RBFOX3: variants seen among roughly 807,000 people sequenced by gnomAD.
The protein encoded by RBFOX3 is RNA binding protein fox-1 homolog 3.
RBFOX3 carries 17 observed loss-of-function variants against 48.7 expected under a neutral mutation model. That is an observed-to-expected ratio of 0.35 (90% confidence interval 0.24 to 0.52). The LOEUF is 0.52. Ranked by LOEUF, RBFOX3 falls within the 20% of genes least tolerant of loss-of-function variation. The pLI is 0.94. For missense variants in RBFOX3, 382 were observed against 497.5 expected (o/e 0.77, Z 2.21); for synonymous variants, 212 against 209.5 (o/e 1.01, Z -0.10).
chr17:79,369,006 CT>C (rs1234364249), intron 2 of RBFOX3, among the ~76,000 whole-genome samples: 2 of 152,176 alleles, frequency 1.3e-5, no homozygotes, highest in Non-Finnish European at 2.9e-5. Flanking sequence ...CCGCCGCCTG[CT>C]ATCCAGCCCA....
intron 2 of RBFOX3, among the ~76,000 whole-genome samples, chr17:79,434,205 TGCATCTG>T (rs1568242709): frequency 6.6e-6 from 1 of 152,224 alleles, no homozygotes; most frequent in African/African-American, 2.4e-5. Context: ...TGGGACCACA[TGCATCTG>T]GCTACTGCAA....
chr17:79,572,558 G>A (rs1024327475), intron 1 of RBFOX3, among the ~76,000 whole-genome samples: 10 of 152,246 alleles, frequency 6.6e-5, no homozygotes, highest in Non-Finnish European at 1.0e-4. Context: ...TCAACAGGGT[G>A]GGGGGAGGGA....
rs191665067 is a variant in RBFOX3, at chr17:79,540,127, C to T, written c.-319-57529G>A. 3.3e-5 allele frequency among the ~76,000 whole-genome samples: 5 copies of T among 152,316 alleles called. No homozygotes were observed. The East Asian group carries it at 9.6e-4, about 29-fold the overall frequency. On this transcript the variant is annotated intron_variant, in intron 1 of 14. Transcript: ENST00000693108. Reference sequence around the variant, plus strand: ...TGTCCAGGGTGATATTTCTTTCTCCCGGTAATCACACGCATGCACACACAC... The same window carrying T: ...TGTCCAGGGTGATATTTCTTTCTCCTGGTAATCACACGCATGCACACACAC...
the RBFOX3 span, among the ~76,000 whole-genome samples, chr17:79,645,437 C>T: frequency 6.6e-6 from 1 of 152,182 alleles, no homozygotes; most frequent in Admixed American, 6.5e-5. Flanking sequence ...AATAATCCTC[C>T]TCAGATATCC....
At chr17:79,215,379 G>A (rs1447753907) in intron 4 of RBFOX3, among the ~76,000 whole-genome samples, 2 of 152,232 alleles carry the variant, frequency 1.3e-5, no homozygotes, top group Non-Finnish European at 2.9e-5. Context: ...CCTCTGGAAA[G>A]CACCCTACTC....
At chr17:79,291,937 G>A (rs190470124) in intron 3 of RBFOX3, among the ~76,000 whole-genome samples, 3 of 152,154 alleles carry the variant, frequency 2.0e-5, no homozygotes, top group East Asian at 1.9e-4. Context: ...ATTTCACAAC[G>A]CCCAAGTCTC....
At chr17:79,093,349 G>GA (rs1341707600) in intron 14 of RBFOX3, among the ~76,000 whole-genome samples, 1 of 151,634 alleles carries the variant, frequency 6.6e-6, no homozygotes, top group Non-Finnish European at 1.5e-5. Context: ...GGGAAAAATA[G>GA]AAAATCTTAA....
intron 3 of RBFOX3, among the ~76,000 whole-genome samples, chr17:79,247,707 G>T (rs1476344358): frequency 8.6e-6 from 1 of 115,896 alleles, no homozygotes; most frequent in Non-Finnish European, 2.0e-5. Context: ...AAATCACAGG[G>T]TGGGGCATCT....
intron 4 of RBFOX3, among the ~76,000 whole-genome samples, chr17:79,127,904 T>C (rs2037737670): frequency 6.6e-6 from 1 of 152,228 alleles, no homozygotes; most frequent in Non-Finnish European, 1.5e-5. Flanking sequence ...AGAGGCTGAC[T>C]TGCCCCTGTC....
chr17:79,398,825 A>G (rs1218976402), intron 2 of RBFOX3, among the ~76,000 whole-genome samples: 1 of 152,144 alleles, frequency 6.6e-6, no homozygotes, highest in Admixed American at 6.5e-5. Flanking sequence ...CCCACCCAAC[A>G]CACACAGTGC....
chr17:79,257,818 C>A (rs756912044), intron 3 of RBFOX3, among the ~76,000 whole-genome samples: 12 of 152,072 alleles, frequency 7.9e-5, no homozygotes, highest in Non-Finnish European at 1.6e-4. Flanking sequence ...TGAGCTCAGG[C>A]AATACACTCG....
At chr17:79,415,277 T>A (rs2148653539) in intron 2 of RBFOX3, among the ~76,000 whole-genome samples, 1 of 152,304 alleles carries the variant, frequency 6.6e-6, no homozygotes, top group East Asian at 1.9e-4. Context: ...GCACACAGAC[T>A]CTCACCTTTA....
chr17:79,574,981 A>C (rs1383204150), intron 1 of RBFOX3, among the ~76,000 whole-genome samples: 1 of 152,224 alleles, frequency 6.6e-6, no homozygotes, highest in East Asian at 1.9e-4. Context: ...TGCTGGTCCA[A>C]GGATCGCACT....
the RBFOX3 span, among the ~76,000 whole-genome samples, chr17:79,654,143 C>T: frequency 6.6e-5 from 10 of 152,132 alleles, no homozygotes; most frequent in Non-Finnish European, 1.3e-4. Context: ...CTTGCAAAGG[C>T]CTTCCAGTTT....
At chr17:79,389,983 C>T (rs2377413) in intron 2 of RBFOX3, among the ~76,000 whole-genome samples, 7 of 7,212 alleles carry the variant, frequency 9.7e-4, no homozygotes, top group East Asian at 7.5e-3. Flanking sequence ...TCCGGGTCTC[C>T]GCAGCCTCCA....
intron 2 of RBFOX3, among the ~76,000 whole-genome samples, chr17:79,367,276 C>T: frequency 7.0e-6 from 1 of 142,898 alleles, no homozygotes; most frequent in Non-Finnish European, 1.5e-5. Context: ...CTTTCATCTC[C>T]TCCTCCTCCC....
chr17:79,286,321 G>C lies in RBFOX3; in HGVS notation c.-74+21403C>G, dbSNP rs375085745. ...CACTGCAGGTTTTGGACTCAGTGGA[G>C]TGAGGCCACTTTCTCCACGCCCCCG... On this transcript the variant is annotated intron_variant, in intron 3 of 14. Transcript: ENST00000693108. Among the ~76,000 whole-genome samples the C allele has an allele frequency of 7.2e-4, 110 of 152,286 alleles. 2 individuals are homozygous for C. In the South Asian group the frequency reaches 0.023, roughly 31 times the overall value.
At chr17:79,466,282 A>C (rs1416195106) in intron 2 of RBFOX3, among the ~76,000 whole-genome samples, 1 of 152,150 alleles carries the variant, frequency 6.6e-6, no homozygotes, top group South Asian at 2.1e-4. Flanking sequence ...GAGCATCACA[A>C]AGCCACAGGC....
intron 1 of RBFOX3, chr17:79,600,309 T>C (rs1474011527): frequency 6.6e-6 from 1 of 152,186 alleles, no homozygotes; most frequent in African/African-American, 2.4e-5. Flanking sequence ...CATGCACACA[T>C]ACAGGATGCA....
Sources: allele counts gnomAD v4.1 joint callset (sites outside exome capture counted in the v4.1 genomes callset), GRCh38; gene constraint gnomAD v4.1.1; transcripts MANE v1.5; gene names NCBI Gene and HGNC (gene_info 2026-07-23, HGNC 2026-07-21).